RALGPS2: variants seen among roughly 807,000 people sequenced by gnomAD.
RALGPS2 encodes ras-specific guanine nucleotide-releasing factor RalGPS2.
Under a neutral mutation model 86.8 loss-of-function variants are expected in RALGPS2, and 43 were observed. The ratio of observed to expected loss-of-function variants is 0.50; its 90% CI spans 0.39 to 0.64. The LOEUF (loss-of-function observed/expected upper bound fraction) is 0.64, where lower values mean the gene tolerates loss of function less well. RALGPS2 is among the 30% of genes least tolerant of loss of function. The pLI is 0.00. For synonymous variants in RALGPS2, 243 were observed against 231.3 expected (o/e 1.05, Z -0.46); for missense variants, 536 against 694.6 (o/e 0.77, Z 2.57).
intron 8 of RALGPS2, chr1:178,853,663 C>T (rs1657335880): frequency 1.2e-6 from 2 of 1,612,504 alleles, no homozygotes; most frequent in Admixed American, 1.7e-5. Context: ...CAGTCCAACC[C>T]CCAGGGTCCA....
chr1:178,785,958 A>G (rs972161346), intron 4 of RALGPS2, among the ~76,000 whole-genome samples: 1 of 152,058 alleles, frequency 6.6e-6, no homozygotes, highest in Non-Finnish European at 1.5e-5. Context: ...CAACTAACAC[A>G]TATTTTGTAT....
intron 4 of RALGPS2, among the ~76,000 whole-genome samples, chr1:178,794,804 T>C (rs1654111794): frequency 6.6e-6 from 1 of 152,184 alleles, no homozygotes; most frequent in Non-Finnish European, 1.5e-5. Flanking sequence ...TTACATTGGA[T>C]ACTGTTTGCC....
intron 4 of RALGPS2, among the ~76,000 whole-genome samples, chr1:178,792,404 C>T (rs1353542548): frequency 2.0e-5 from 3 of 152,170 alleles, no homozygotes; most frequent in Admixed American, 1.3e-4. Flanking sequence ...CTCCCATTGA[C>T]GTTACCTCCT....
intron 4 of RALGPS2, among the ~76,000 whole-genome samples, chr1:178,797,435 T>C (rs1322768032): frequency 6.6e-6 from 1 of 152,170 alleles, no homozygotes; most frequent in Non-Finnish European, 1.5e-5. Flanking sequence ...AATAGTGGGT[T>C]AGTTCTTGGG....
intron 8 of RALGPS2, among the ~76,000 whole-genome samples, chr1:178,849,523 TA>T (rs761183387): frequency 2.0e-4 from 31 of 152,364 alleles, no homozygotes; most frequent in Admixed American, 1.1e-3. Context: ...TGAAATGATA[TA>T]CTGCTTTCAA....
At chr1:178,733,689 G>A (rs1216851697) in intron 1 of RALGPS2, among the ~76,000 whole-genome samples, 1 of 152,192 alleles carries the variant, frequency 6.6e-6, no homozygotes, top group African/African-American at 2.4e-5. Context: ...TATATGCTCT[G>A]TGATCCACCA....
chr1:178,773,048 T>G (rs1200286316), intron 1 of RALGPS2, among the ~76,000 whole-genome samples: 1 of 152,216 alleles, frequency 6.6e-6, no homozygotes, highest in African/African-American at 2.4e-5. Context: ...GTAATCCACC[T>G]GTCTCAGCTT....
chr1:178,881,874 GA>G (rs1310207439), intron 10 of RALGPS2, among the ~76,000 whole-genome samples: 1 of 152,010 alleles, frequency 6.6e-6, no homozygotes, highest in East Asian at 1.9e-4. Flanking sequence ...ACATTTTTTA[GA>G]AAAAATGCCT....
chr1:178,823,833 G>T (rs1430148949), intron 7 of RALGPS2, among the ~76,000 whole-genome samples: 1 of 152,186 alleles, frequency 6.6e-6, no homozygotes, highest in Non-Finnish European at 1.5e-5. Flanking sequence ...CATGTGAAAT[G>T]TAAGGTCAGA....
intron 1 of RALGPS2, chr1:178,747,728 G>T: frequency 8.1e-7 from 1 of 1,230,938 alleles, no homozygotes. Context: ...CCAACTCCTT[G>T]AACTCCCACT....
intron 1 of RALGPS2, chr1:178,747,041 A>T: frequency 5.7e-6 from 5 of 879,814 alleles, no homozygotes; most frequent in Non-Finnish European, 9.7e-6. Flanking sequence ...ATAGCCATGT[A>T]TGAGAATCTC....
At chr1:178,821,916 GTT>G (rs1166333021) in intron 7 of RALGPS2, among the ~76,000 whole-genome samples, 2 of 152,056 alleles carry the variant, frequency 1.3e-5, no homozygotes, top group Non-Finnish European at 2.9e-5. Flanking sequence ...TTGGTGCTTA[GTT>G]TTTGCTCCTT....
At chr1:178,811,442 A>G in intron 6 of RALGPS2, 38 bp downstream of exon 6, 1 of 1,327,090 alleles carries the variant, frequency 7.5e-7, no homozygotes, top group Non-Finnish European at 1.0e-6. Context: ...GAGTTCAACC[A>G]TTCATAAATG....
intron 8 of RALGPS2, among the ~76,000 whole-genome samples, chr1:178,856,196 G>GATATATAT (rs1449088390): frequency 4.9e-5 from 2 of 41,054 alleles, no homozygotes; most frequent in Admixed American, 2.6e-4. Flanking sequence ...TTTCCAGAGA[G>GATATATAT]AGAGAGATAT....
intron 1 of RALGPS2, among the ~76,000 whole-genome samples, chr1:178,745,364 C>T (rs1438892850): frequency 6.6e-6 from 1 of 152,120 alleles, no homozygotes; most frequent in African/African-American, 2.4e-5. Context: ...CTAATGCTAT[C>T]TGATATCACA....
At chr1:178,852,907 T>C (rs367915584) in intron 8 of RALGPS2, 2 of 1,613,594 alleles carry the variant, frequency 1.2e-6, no homozygotes, top group African/African-American at 1.3e-5. Flanking sequence ...CATATAGATA[T>C]TTTCCAGTCC....
chr1:178,747,525 C>G, intron 1 of RALGPS2: 1 of 1,611,896 alleles, frequency 6.2e-7, no homozygotes, highest in East Asian at 2.2e-5. Flanking sequence ...ATGACAACTG[C>G]TTTGGTCTTC....
At chr1:178,843,348 T>A (rs1332042774) in intron 8 of RALGPS2, among the ~76,000 whole-genome samples, 6 of 144,674 alleles carry the variant, frequency 4.1e-5, no homozygotes, top group African/African-American at 1.6e-4. Context: ...TTCATGTCCT[T>A]TGTAGGGACA....
intron 6 of RALGPS2, among the ~76,000 whole-genome samples, chr1:178,812,127 A>G (rs893151300): frequency 7.2e-5 from 11 of 152,172 alleles, no homozygotes; most frequent in African/African-American, 2.7e-4. Context: ...GAGTCATACA[A>G]AGTATAAACT....
Sources: allele counts gnomAD v4.1 joint callset (sites outside exome capture counted in the v4.1 genomes callset), GRCh38; gene constraint gnomAD v4.1.1; transcripts MANE v1.5; gene names NCBI Gene and HGNC (gene_info 2026-07-23, HGNC 2026-07-21).